The following ADK variants were observed in gnomAD, a reference collection of about 807,000 sequenced individuals.
ADK encodes adenosine kinase, also known as N6,N6-dimethyladenosine kinase.
A neutral mutation model predicts 44.7 loss-of-function variants in ADK; 24 were observed. That is an observed-to-expected ratio of 0.54 (90% confidence interval 0.39 to 0.76). ADK has a LOEUF of 0.76. Among genes scored for constraint, ADK ranks in the 30% least tolerant of loss-of-function variants. The pLI is 0.00. For missense variants in ADK, 321 were observed against 425.1 expected (o/e 0.76, Z 2.15); for synonymous variants, 128 against 142.6 (o/e 0.90, Z 0.73).
At position 74,532,774 on chromosome 10, in the gene ADK, G is replaced by A. The variant is rs542795486; in HGVS notation, c.726+7348G>A. 9.3e-5 allele frequency among the ~76,000 whole-genome samples: 14 copies of A among 151,082 alleles called. No homozygotes were observed. The East Asian group carries it at 2.2e-3, about 24-fold the overall frequency. ...AAATTAGCTGGGCATGGTGGCACAC[G>A]CCTGTAATTCCAGCTACTTGGGAGG... On this transcript the variant is annotated intron_variant, in intron 7 of 10. Transcript: ENST00000539909.
At chr10:74,616,083 T>C (rs1029625702) in intron 9 of ADK, among the ~76,000 whole-genome samples, 5 of 152,208 alleles carry the variant, frequency 3.3e-5, no homozygotes, top group Middle Eastern at 3.2e-3. Flanking sequence ...AGTTGTCTTA[T>C]TGATTTAGAA....
intron 1 of ADK, chr10:74,176,803 C>T: frequency 6.3e-7 from 1 of 1,598,790 alleles, no homozygotes; most frequent in Non-Finnish European, 8.5e-7. Context: ...TGCTGTGGTA[C>T]CTGCTGCTGC....
At chr10:74,684,525 C>T (rs1354515221) in intron 10 of ADK, among the ~76,000 whole-genome samples, 1 of 152,076 alleles carries the variant, frequency 6.6e-6, no homozygotes, top group African/African-American at 2.4e-5. Context: ...AATCTCAGCA[C>T]TTTGGGAGGC....
chr10:74,631,484 C>G (rs941806608), intron 9 of ADK, among the ~76,000 whole-genome samples: 1 of 151,416 alleles, frequency 6.6e-6, no homozygotes, highest in African/African-American at 2.4e-5. Flanking sequence ...TCTCAAACTC[C>G]TGACCTCAGG....
chr10:74,232,871 G>T (rs1315402082), intron 3 of ADK, among the ~76,000 whole-genome samples: 1 of 152,100 alleles, frequency 6.6e-6, no homozygotes, highest in Non-Finnish European at 1.5e-5. Flanking sequence ...TGATCCACCC[G>T]CCTTGCCCTC....
chr10:74,222,432 C>A (rs1459944404), intron 2 of ADK, among the ~76,000 whole-genome samples: 1 of 151,474 alleles, frequency 6.6e-6, no homozygotes, highest in Non-Finnish European at 1.5e-5. Flanking sequence ...ACTAGTTCAA[C>A]CATTGTGGAA....
intron 2 of ADK, among the ~76,000 whole-genome samples, chr10:74,210,462 A>G (rs78269432): frequency 0.042 from 6,341 of 152,204 alleles, 198 homozygotes; most frequent in Middle Eastern, 0.071. Context: ...TAATCTGAGT[A>G]TGCATGAAAG....
At chr10:74,380,557 G>A (rs1842948740) in intron 4 of ADK, among the ~76,000 whole-genome samples, 1 of 152,086 alleles carries the variant, frequency 6.6e-6, no homozygotes, top group Non-Finnish European at 1.5e-5. Flanking sequence ...AGGAGATTGA[G>A]ACCATCCTGG....
intron 4 of ADK, among the ~76,000 whole-genome samples, chr10:74,373,620 C>T (rs1486559526): frequency 1.3e-5 from 2 of 152,120 alleles, no homozygotes; most frequent in Non-Finnish European, 2.9e-5. Context: ...CAATGAGATA[C>T]CATTTCACTC....
At chr10:74,428,638 A>C (rs904100345) in intron 6 of ADK, among the ~76,000 whole-genome samples, 2 of 152,254 alleles carry the variant, frequency 1.3e-5, no homozygotes, top group Non-Finnish European at 2.9e-5. Flanking sequence ...GAAAAAACAA[A>C]ACAAGGAAAC....
At chr10:74,415,536 A>C (rs1035772409) in intron 6 of ADK, among the ~76,000 whole-genome samples, 6 of 152,228 alleles carry the variant, frequency 3.9e-5, no homozygotes, top group Admixed American at 6.5e-5. Flanking sequence ...GATTTACCCC[A>C]CATGTTCTGT....
intron 6 of ADK, among the ~76,000 whole-genome samples, chr10:74,475,232 C>A (rs1342242258): frequency 1.3e-5 from 2 of 152,140 alleles, no homozygotes; most frequent in Non-Finnish European, 2.9e-5. Context: ...GGGTTATAAT[C>A]TAAAACTGTG....
chr10:74,666,258 T>C (rs1854953320), intron 9 of ADK, among the ~76,000 whole-genome samples: 1 of 152,196 alleles, frequency 6.6e-6, no homozygotes. Context: ...ATGAAGTGTC[T>C]AGAGGATGCC....
At chr10:74,411,260 G>C (rs1443272871) in intron 6 of ADK, among the ~76,000 whole-genome samples, 3 of 152,066 alleles carry the variant, frequency 2.0e-5, no homozygotes, top group African/African-American at 7.2e-5. Flanking sequence ...TCTATTTGGA[G>C]CTTTTCATGT....
At chr10:74,183,109 AT>A (rs1842622663) in intron 1 of ADK, among the ~76,000 whole-genome samples, 1 of 152,040 alleles carries the variant, frequency 6.6e-6, no homozygotes, top group Admixed American at 6.6e-5. Flanking sequence ...CCACCTTTGT[AT>A]TTTTTGTAGA....
intron 6 of ADK, among the ~76,000 whole-genome samples, chr10:74,445,190 A>G (rs1845553064): frequency 1.3e-5 from 2 of 152,014 alleles, no homozygotes; most frequent in South Asian, 2.1e-4. Context: ...TAGACATTAT[A>G]TACAGCCTCT....
At chr10:74,171,808 C>CTGTGTG (rs548797359) in intron 1 of ADK, among the ~76,000 whole-genome samples, 136 of 142,614 alleles carry the variant, frequency 9.5e-4, no homozygotes, top group African/African-American at 2.8e-3. Context: ...CTCTCTGTCT[C>CTGTGTG]TCTGTGTGTG....
Position 74,708,547 on chromosome 10 carries a change from C to A in ADK, c.*102C>A. ...GAAGAAAATTATCTGCCATTTTTTC[C>A]TACTATAATAATGCTGAATCTTAAT... On this transcript the variant is annotated 3_prime_UTR_variant, in exon 11 of 11. Coordinates refer to ENST00000539909, the MANE Select transcript of ADK (RefSeq NM_006721.4). 1 of 1,341,358 alleles carries A rather than the reference C, an allele frequency of 7.5e-7. No individual in the cohort carries two copies. Among genetic ancestry groups the A allele is most frequent in the Non-Finnish European group, 1.0e-6 (1 of 974,296 alleles). 83.1% of individuals were successfully genotyped at this position (1,341,358 alleles called of 1,614,324 possible). A position where few individuals can be genotyped will look rare whatever the true frequency, so the allele number is the denominator to read the frequency against.
intron 3 of ADK, among the ~76,000 whole-genome samples, chr10:74,290,381 G>T (rs571294373): frequency 6.6e-6 from 1 of 152,234 alleles, no homozygotes; most frequent in Admixed American, 6.5e-5. Context: ...TGCAAAATAA[G>T]TATCCGTGAT....
Sources: allele counts gnomAD v4.1 joint callset (sites outside exome capture counted in the v4.1 genomes callset), GRCh38; gene constraint gnomAD v4.1.1; transcripts MANE v1.5; gene names NCBI Gene and HGNC (gene_info 2026-07-23, HGNC 2026-07-21).